Variants in TXK observed in about 807,000 individuals in gnomAD.
The protein encoded by TXK is tyrosine-protein kinase TXK.
Under a neutral mutation model 81.0 loss-of-function variants are expected in TXK, and 60 were observed. That is an observed-to-expected ratio of 0.74 (90% CI 0.60 to 0.92). The LOEUF is 0.92. Ranked by LOEUF, TXK falls within the 40% of genes least tolerant of loss-of-function variation. The pLI is 0.00. For synonymous variants in TXK, 203 were observed against 210.7 expected, an observed-to-expected ratio of 0.96 and a Z score of 0.32; for missense variants, 581 against 638.3, an observed-to-expected ratio of 0.91 and a Z score of 0.97.
chr4:48,106,879 G>A (rs772778898), intron 5 of TXK, among the ~76,000 whole-genome samples: 2 of 152,000 alleles, frequency 1.3e-5, no homozygotes, highest in Non-Finnish European at 2.9e-5. Context: ...TTTTAAACTT[G>A]TTATCCGAAG....
chr4:48,093,949 GT>G, intron 8 of TXK, 127 bp downstream of exon 8: 1 of 1,282,510 alleles, frequency 7.8e-7, no homozygotes, highest in Non-Finnish European at 1.1e-6. Context: ...CAAAAGATAA[GT>G]TGTACTTCAA....
chr4:48,077,578 C>T (rs1053775413), intron 11 of TXK, among the ~76,000 whole-genome samples: 4 of 151,794 alleles, frequency 2.6e-5, no homozygotes, highest in African/African-American at 9.7e-5. Flanking sequence ...ATAAAATGAC[C>T]GGAACTTTCA....
chr4:48,099,671 T>C (rs530212787), intron 6 of TXK, among the ~76,000 whole-genome samples: 4 of 152,214 alleles, frequency 2.6e-5, no homozygotes, highest in Non-Finnish European at 5.9e-5. Context: ...AGACAGCCTC[T>C]GTACTTAAAA....
Position 48,130,198 on chromosome 4 carries a change from G to A in TXK, c.16+3957C>T, listed in dbSNP as rs555755524. On this transcript the variant is annotated intron_variant, in intron 1 of 14. Coordinates refer to ENST00000264316, the MANE Select transcript of TXK (RefSeq NM_003328.3). ...AAGTGGCCAAGTTCTTTTTTAATCT[G>A]CGGCTTCTCCTGCTTTTGCCACACA... Among the ~76,000 whole-genome samples, 4 of 152,308 alleles carry A rather than the reference G, an allele frequency of 2.6e-5. No homozygotes were observed. The South Asian group carries it at 8.3e-4, about 32-fold the overall frequency.
chr4:48,075,794 T>C (rs925136076), intron 12 of TXK, among the ~76,000 whole-genome samples: 1 of 152,098 alleles, frequency 6.6e-6, no homozygotes, highest in Non-Finnish European at 1.5e-5. Context: ...AAAGGACCAG[T>C]AAGCCACCTC....
chr4:48,076,378 C>CATAT, intron 12 of TXK, 24 bp downstream of exon 12: 1 of 1,501,224 alleles, frequency 6.7e-7, no homozygotes, highest in Non-Finnish European at 9.1e-7. Flanking sequence ...AAACAAAATA[C>CATAT]ATATATATAT....
intron 6 of TXK, among the ~76,000 whole-genome samples, chr4:48,102,237 C>T (rs960054634): frequency 1.3e-5 from 2 of 152,148 alleles, no homozygotes; most frequent in Non-Finnish European, 2.9e-5. Context: ...CCTCGGCCTC[C>T]CGAAGTGCTG....
chr4:48,131,433 G>A (rs571740945), intron 1 of TXK, among the ~76,000 whole-genome samples: 2 of 143,366 alleles, frequency 1.4e-5, no homozygotes, highest in South Asian at 2.5e-4. Flanking sequence ...AATCTTCTTC[G>A]CTGGACTTTT....
In TXK at chr4:48,110,570, A is replaced by C. The variant is rs1437460106; in HGVS notation, c.414T>G (p.Thr138=). 1 of 1,611,886 alleles carries C rather than the reference A, an allele frequency of 6.2e-7. No homozygotes were observed. Among genetic ancestry groups the C allele is most frequent in the African/African-American group, 1.3e-5 (1 of 74,876 alleles). ...NEGLIPSNYV[T]ENKITNLEIY... ...TTTCTAAATTAGTTATTTTGTTTTC[A>C]GTCACATAGTTGCTTGGGATTAAGC... The change falls in exon 5 of 15, where the codon ACT becomes ACG. Residue 138 remains threonine (T), a synonymous_variant. Coordinates refer to ENST00000264316, the MANE Select transcript of TXK (RefSeq NM_003328.3).
rs1353852516 is a variant in TXK, at chr4:48,089,750, C to T, written c.784G>A (p.Glu262Lys). 9.3e-6 allele frequency: 15 copies of T among 1,612,640 alleles called. No homozygotes were observed. The highest frequency in any genetic ancestry group is 4.4e-5 in the South Asian group (4 of 91,032). Reference sequence around the variant, plus strand: ...ACTTCAGCATGTGTGCACACTTTACCGTAGCTAAACCCAGCTGTGGCTGGT... The same window carrying T: ...ACTTCAGCATGTGTGCACACTTTACTGTAGCTAAACCCAGCTGTGGCTGGT... ...CLPATAGFSYEKWEIDPSELA... is the reference protein window; with the variant it reads ...CLPATAGFSYKKWEIDPSELA... Residue 262 changes from glutamate to lysine, a missense_variant and splice_region_variant, in exon 9 of 15, where the codon GAA (glutamate) becomes AAA (lysine). By Grantham distance (56) the Glu-to-Lys change is moderately conservative (BLOSUM62 1). Transcript: ENST00000264316.
At chr4:48,088,309 G>A (rs1361287699) in intron 9 of TXK, among the ~76,000 whole-genome samples, 1 of 152,130 alleles carries the variant, frequency 6.6e-6, no homozygotes, top group Non-Finnish European at 1.5e-5. Flanking sequence ...GTACACTTAA[G>A]CACATATCCA....
intron 9 of TXK, 126 bp from the exon 10 acceptor site, chr4:48,086,763 T>C (rs1187150987): frequency 1.2e-6 from 1 of 840,140 alleles, no homozygotes; most frequent in Non-Finnish European, 1.8e-6. Context: ...GTGGAGAGGA[T>C]ATGAAGCCAT....
At chr4:48,128,071 A>T (rs1389674810) in intron 1 of TXK, among the ~76,000 whole-genome samples, 1 of 152,174 alleles carries the variant, frequency 6.6e-6, no homozygotes, top group Non-Finnish European at 1.5e-5. Context: ...GCTGCGCGGG[A>T]AGCAAAGCCG....
chr4:48,128,533 C>T (rs1237140640), intron 1 of TXK, among the ~76,000 whole-genome samples: 2 of 147,446 alleles, frequency 1.4e-5, no homozygotes, highest in Non-Finnish European at 3.0e-5. Flanking sequence ...TTCCTCATTA[C>T]TCTGCCATAA....
At chr4:48,069,777 C>CT (rs1308097224) in intron 14 of TXK, among the ~76,000 whole-genome samples, 2 of 152,124 alleles carry the variant, frequency 1.3e-5, no homozygotes, top group East Asian at 3.8e-4. Flanking sequence ...CTCAGTTCCA[C>CT]TTACATATAA....
intron 14 of TXK, among the ~76,000 whole-genome samples, chr4:48,068,170 A>G (rs1266627252): frequency 3.9e-5 from 6 of 152,202 alleles, no homozygotes; most frequent in Non-Finnish European, 5.9e-5. Context: ...CAAGAACCCA[A>G]TAGCCAGAAG....
At chr4:48,090,855 G>A (rs1484266700) in intron 8 of TXK, among the ~76,000 whole-genome samples, 1 of 152,272 alleles carries the variant, frequency 6.6e-6, no homozygotes, top group African/African-American at 2.4e-5. Context: ...CAAGATGACA[G>A]CTACGCTGAC....
chr4:48,112,500 G>C lies in TXK; in HGVS notation c.187C>G (p.Arg63Gly), dbSNP rs41265727. 42 of 1,613,482 alleles carry C rather than the reference G, an allele frequency of 2.6e-5. No homozygotes were observed. The highest frequency in any genetic ancestry group is 3.2e-5 in the Non-Finnish European group (38 of 1,179,794). Residue 63 changes from arginine to glycine, a missense_variant, in exon 4 of 15, where the codon CGT (arginine) becomes GGT (glycine). Transcript: ENST00000264316. ...LSNKKQSNTG[R>G]VQPSKRKPLP... ...GGCTTTCGTTTTGACGGCTGCACACGGCCCGTGTTGGACTGTGAAAACCAA... is the reference window on the plus strand; with the variant it reads ...GGCTTTCGTTTTGACGGCTGCACACCGCCCGTGTTGGACTGTGAAAACCAA...
chr4:48,102,212 C>T (rs1718220570), intron 6 of TXK, among the ~76,000 whole-genome samples: 1 of 152,164 alleles, frequency 6.6e-6, no homozygotes, highest in African/African-American at 2.4e-5. Context: ...CTCCTGACCT[C>T]AAGTGATCCA....
Sources: allele counts gnomAD v4.1 joint callset (sites outside exome capture counted in the v4.1 genomes callset), GRCh38; gene constraint gnomAD v4.1.1; transcripts MANE v1.5; gene names NCBI Gene and HGNC (gene_info 2026-07-23, HGNC 2026-07-21).